The following ZEB1 variants were observed in gnomAD, a reference collection of about 807,000 sequenced individuals.
The protein encoded by ZEB1 is zinc finger E-box binding homeobox 1, also known as zinc finger E-box-binding homeobox 1.
ZEB1 carries 21 observed loss-of-function variants against 84.9 expected under a neutral mutation model. The observed-to-expected ratio is 0.25, with a 90% CI of 0.18 to 0.36. ZEB1 has a LOEUF of 0.36. Among genes scored for constraint, ZEB1 ranks in the 10% least tolerant of loss-of-function variants. The probability of loss-of-function intolerance (pLI) is 1.00; values close to 1 mark genes in which losing one functional copy is unlikely to be tolerated. For missense variants in ZEB1, 1,104 were observed against 1,330.2 expected, an observed-to-expected ratio of 0.83 and a Z score of 2.65; for synonymous variants, 420 against 471.1, an observed-to-expected ratio of 0.89 and a Z score of 1.41.
At chr10:31,408,089 A>G (rs960748142) in intron 1 of ZEB1, among the ~76,000 whole-genome samples, 2 of 152,080 alleles carry the variant, frequency 1.3e-5, no homozygotes, top group Non-Finnish European at 2.9e-5. Context: ...AAGCATTCTT[A>G]TATGCCAACA....
intron 1 of ZEB1, among the ~76,000 whole-genome samples, chr10:31,348,943 C>A (rs1421088852): frequency 6.6e-6 from 1 of 152,110 alleles, no homozygotes; most frequent in Non-Finnish European, 1.5e-5. Flanking sequence ...TGTGAGAACA[C>A]CTAAAATCTA....
At chr10:31,411,824 AT>A (rs1402656511) in intron 1 of ZEB1, among the ~76,000 whole-genome samples, 1 of 151,932 alleles carries the variant, frequency 6.6e-6, no homozygotes, top group Non-Finnish European at 1.5e-5. Context: ...CTAAAACCAA[AT>A]TTTTTACATC....
chr10:31,474,808 A>G (rs1448078106), intron 2 of ZEB1, among the ~76,000 whole-genome samples: 2 of 152,214 alleles, frequency 1.3e-5, no homozygotes, highest in East Asian at 3.9e-4. Flanking sequence ...CTTGGAACCA[A>G]CCCAAATGTC....
chr10:31,395,631 A>G (rs1409323441), intron 1 of ZEB1, among the ~76,000 whole-genome samples: 1 of 152,312 alleles, frequency 6.6e-6, no homozygotes, highest in East Asian at 1.9e-4. Context: ...GCAGGGTGCC[A>G]CAGGGGGAAC....
At position 31,527,259 on chromosome 10, in the gene ZEB1, G is replaced by A. The variant is rs749942924; in HGVS notation, c.3373G>A (p.Ala1125Thr). 3 of 1,603,490 alleles carry A rather than the reference G, an allele frequency of 1.9e-6. No individual in the cohort carries two copies. The highest frequency in any genetic ancestry group is 2.2e-5 in the South Asian group (2 of 89,720). The stretch of plus-strand genomic sequence containing the variant: ...AGTGTCTGAAGAAAAGACAAATGAA[G>A]CCTAATCGTTTTTCTAGAAGGAAAA... Reference protein sequence around the residue: ...EQVSEEKTNEA With the variant: ...EQVSEEKTNET The change falls in exon 9 of 9, where the codon GCC (alanine) becomes ACC (threonine). Residue 1125 changes from alanine (A) to threonine (T), a missense_variant. Physicochemically the swap from Ala to Thr is moderately conservative, Grantham distance 58. Coordinates refer to ENST00000424869, the MANE Select transcript of ZEB1 (RefSeq NM_001174096.2).
At chr10:31,453,908 A>G (rs556827723) in intron 1 of ZEB1, among the ~76,000 whole-genome samples, 1 of 152,338 alleles carries the variant, frequency 6.6e-6, no homozygotes, top group South Asian at 2.1e-4. Flanking sequence ...AACTCATTTT[A>G]TGAGGCCAGC....
At chr10:31,524,831 T>C (rs1221444092) in intron 8 of ZEB1, among the ~76,000 whole-genome samples, 1 of 152,124 alleles carries the variant, frequency 6.6e-6, no homozygotes, top group Non-Finnish European at 1.5e-5. Flanking sequence ...TGCGGCAAGC[T>C]GTCCTGGCAA....
At chr10:31,335,066 A>G (rs946639155) in intron 1 of ZEB1, among the ~76,000 whole-genome samples, 5 of 152,128 alleles carry the variant, frequency 3.3e-5, no homozygotes, top group Admixed American at 2.0e-4. Context: ...ACTCAGACCT[A>G]TGTACAAAAA....
intron 1 of ZEB1, 29 bp downstream of exon 1, chr10:31,319,321 C>T (rs766418752): frequency 6.3e-7 from 1 of 1,593,894 alleles, no homozygotes; most frequent in Non-Finnish European, 8.5e-7. Flanking sequence ...CGGGGAGCGG[C>T]GGAGTCAGGG....
At chr10:31,344,125 TTGGTATTTTTGGTTACCATTTGATC>T (rs1283702759) in intron 1 of ZEB1, among the ~76,000 whole-genome samples, 34 of 152,114 alleles carry the variant, frequency 2.2e-4, no homozygotes, top group Non-Finnish European at 2.9e-5. Flanking sequence ...GGGTTGCTGG[TTGGTATTTTTGGTTACCATTTGATC>T]TGGTGTCTTT....
chr10:31,363,954 TG>T (rs2043918434), intron 1 of ZEB1: 1 of 1,293,966 alleles, frequency 7.7e-7, no homozygotes, highest in South Asian at 1.6e-5. Context: ...CCCGGCCAGC[TG>T]GGAAGGCCTC....
chr10:31,505,100 T>C (rs145921384), intron 4 of ZEB1, among the ~76,000 whole-genome samples: 109 of 152,142 alleles, frequency 7.2e-4, no homozygotes, highest in Non-Finnish European at 1.5e-3. Flanking sequence ...CTTTATTATA[T>C]GGAGGTGAAC....
intron 8 of ZEB1, among the ~76,000 whole-genome samples, chr10:31,524,621 G>GT (rs1051824734): frequency 2.0e-5 from 3 of 151,744 alleles, no homozygotes; most frequent in African/African-American, 2.4e-5. Context: ...TGCTTCATCT[G>GT]TTTTTTTGTT....
chr10:31,459,173 C>T (rs187805685), intron 1 of ZEB1, among the ~76,000 whole-genome samples: 1 of 152,168 alleles, frequency 6.6e-6, no homozygotes, highest in East Asian at 1.9e-4. Context: ...AAAGTCAAAA[C>T]ATTGTAAATC....
chr10:31,370,349 G>A (rs2045476400), intron 1 of ZEB1, among the ~76,000 whole-genome samples: 2 of 152,132 alleles, frequency 1.3e-5, no homozygotes, highest in Admixed American at 6.6e-5. Context: ...AGTGGTTCAC[G>A]CCTGTAATCC....
chr10:31,441,389 C>T (rs1294769156), intron 1 of ZEB1, among the ~76,000 whole-genome samples: 1 of 152,160 alleles, frequency 6.6e-6, no homozygotes, highest in African/African-American at 2.4e-5. Flanking sequence ...TTCCTTACAC[C>T]TGATACAAAA....
At chr10:31,319,354 C>G in intron 1 of ZEB1, 62 bp downstream of exon 1, 1 of 1,547,156 alleles carries the variant, frequency 6.5e-7, no homozygotes, top group Non-Finnish European at 8.8e-7. Context: ...CCGGGGCGCC[C>G]CCGGGGGTGA....
chr10:31,328,994 G>GGTGTGT (rs369444605), intron 1 of ZEB1, among the ~76,000 whole-genome samples: 1 of 149,448 alleles, frequency 6.7e-6, no homozygotes, highest in Non-Finnish European at 1.5e-5. Context: ...ACCATACCCT[G>GGTGTGT]GTGTGTGTGT....
At chr10:31,490,027 G>A (rs1232448628) in intron 2 of ZEB1, among the ~76,000 whole-genome samples, 4 of 151,230 alleles carry the variant, frequency 2.6e-5, no homozygotes, top group Non-Finnish European at 5.9e-5. Flanking sequence ...ACTTTCTTAT[G>A]GAATCTATGA....
Sources: allele counts gnomAD v4.1 joint callset (sites outside exome capture counted in the v4.1 genomes callset), GRCh38; gene constraint gnomAD v4.1.1; transcripts MANE v1.5; gene names NCBI Gene and HGNC (gene_info 2026-07-23, HGNC 2026-07-21).